The following SMARCA4 variants were observed in gnomAD, a reference collection of about 807,000 sequenced individuals.
SMARCA4 encodes SWI/SNF-related matrix-associated actin-dependent regulator of chromatin subfamily A member 4.
A neutral mutation model predicts 193.9 loss-of-function variants in SMARCA4; 31 were observed. That is an observed-to-expected ratio of 0.16 (90% CI 0.12 to 0.22). The LOEUF is 0.22. Ranked by LOEUF, SMARCA4 falls within the 10% of genes least tolerant of loss-of-function variation. SMARCA4 has a pLI of 1.00. For missense variants in SMARCA4, 1,148 were observed against 2,296.0 expected (o/e 0.50, Z 10.22); for synonymous variants, 942 against 933.1 (o/e 1.01, Z -0.17).
intron 20 of SMARCA4, among the ~76,000 whole-genome samples, chr19:11,023,942 G>A (rs1480527655): frequency 6.6e-6 from 1 of 152,220 alleles, no homozygotes; most frequent in Non-Finnish European, 1.5e-5. Context: ...TTGCCCCCCG[G>A]CCCCCCATCA....
chr19:11,055,437 C>T (rs1216443386), intron 30 of SMARCA4, among the ~76,000 whole-genome samples: 1 of 152,070 alleles, frequency 6.6e-6, no homozygotes, highest in Non-Finnish European at 1.5e-5. Context: ...ATCCACCCAC[C>T]TCAGCCTCCC....
intron 20 of SMARCA4, among the ~76,000 whole-genome samples, chr19:11,023,949 A>T (rs1033077809): frequency 6.6e-6 from 1 of 152,200 alleles, no homozygotes; most frequent in Non-Finnish European, 1.5e-5. Context: ...CCGGCCCCCC[A>T]TCATGGCTCT....
At chr19:11,022,633 C>A (rs2089959924) in intron 19 of SMARCA4, among the ~76,000 whole-genome samples, 1 of 152,202 alleles carries the variant, frequency 6.6e-6, no homozygotes, top group African/African-American at 2.4e-5. Flanking sequence ...ACAGAGGTTA[C>A]CTCGAAGTGC....
intron 13 of SMARCA4, among the ~76,000 whole-genome samples, chr19:11,007,539 GA>G (rs1459237453): frequency 2.0e-5 from 3 of 150,994 alleles, no homozygotes; most frequent in Non-Finnish European, 2.9e-5. Flanking sequence ...AGGAGTTTGA[GA>G]CCAGCCCGGG....
At chr19:10,990,421 G>C (rs1450395871) in intron 7 of SMARCA4, among the ~76,000 whole-genome samples, 1 of 152,102 alleles carries the variant, frequency 6.6e-6, no homozygotes, top group African/African-American at 2.4e-5. Context: ...TGGGATTACA[G>C]GCATGTGCCC....
Position 10,987,901 on chromosome 19 carries a change from G to A in SMARCA4, c.1095G>A (p.Glu365=), listed in dbSNP as rs2145822205. 1 of 1,613,038 alleles carries A rather than the reference G, an allele frequency of 6.2e-7. No individual in the cohort carries two copies. The highest frequency in any genetic ancestry group is 1.1e-5 in the South Asian group (1 of 91,012). Residue 365 remains glutamate, a synonymous_variant, in exon 6 of 35, where the codon GAG becomes GAA. Transcript: ENST00000344626. This position sits in a 1 kb window ranked among gnomAD's most constrained non-coding sequence, Gnocchi z 5.3. ...AGCCGCGGGGCCTCGACCCTGTGGA[G>A]ATCCTGCAGGAGCGCGAGTACAGGT... ...IQKPRGLDPV[E]ILQEREYRLQ...
rs2086151202 is a variant in SMARCA4, at chr19:10,987,402, C to T, written c.860-264C>T. On this transcript the variant is annotated intron_variant, in intron 5 of 34. Transcript: ENST00000344626. This position sits in a 1 kb window ranked among gnomAD's most constrained non-coding sequence, Gnocchi z 5.3. Reference sequence around the variant, plus strand: ...CACTAGGAGGAGATGACAGGAAATGCTGCCATAGAGCCACAGACAGAACAA... The same window carrying T: ...CACTAGGAGGAGATGACAGGAAATGTTGCCATAGAGCCACAGACAGAACAA... Among the ~76,000 whole-genome samples the T allele has an allele frequency of 6.6e-6, 1 of 152,174 alleles. No homozygotes were observed. Among genetic ancestry groups the T allele is most frequent in the Admixed American group, 6.5e-5 (1 of 15,282 alleles).
intron 19 of SMARCA4, among the ~76,000 whole-genome samples, 190 bp downstream of exon 19, chr19:11,022,157 G>A (rs564835362): frequency 6.6e-6 from 1 of 152,344 alleles, no homozygotes; most frequent in African/African-American, 2.4e-5. Flanking sequence ...AGGGGAGCAG[G>A]GCAGAGGTCA....
intron 1 of SMARCA4, among the ~76,000 whole-genome samples, chr19:10,976,961 G>A (rs1362678405): frequency 6.6e-6 from 1 of 151,998 alleles, no homozygotes; most frequent in African/African-American, 2.4e-5. Flanking sequence ...GGAGGCTGAG[G>A]CAGGAGAATC....
Position 10,996,524 on chromosome 19 carries a change from G to T in SMARCA4, c.1792G>T (p.Ala598Ser). 6.2e-7 allele frequency: 1 copy of T among 1,614,274 alleles called. No homozygotes were observed. The highest frequency in any genetic ancestry group is 8.5e-7 in the Non-Finnish European group (1 of 1,180,044). The change falls in exon 11 of 35, where the codon GCC becomes TCC. Residue 598 changes from alanine to serine, a missense_variant. Ala to Ser is a moderately conservative substitution (Grantham distance 99). Transcript: ENST00000344626. ...AGAAAATGCAGAAGGACAGACGCCT[G>T]CCATTGGGCCGGATGGCGAGGTGAG... Reference protein sequence around the residue: ...KAENAEGQTPAIGPDGEPLDE... With the variant: ...KAENAEGQTPSIGPDGEPLDE...
intron 33 of SMARCA4, 47 bp downstream of exon 33, chr19:11,059,932 G>A (rs2147118802): frequency 6.2e-7 from 1 of 1,613,486 alleles, no homozygotes. Flanking sequence ...GCTGGCCCGA[G>A]AGCCCCCAAG....
intron 22 of SMARCA4, among the ~76,000 whole-genome samples, chr19:11,025,964 G>T (rs1291193834): frequency 1.3e-5 from 2 of 152,210 alleles, no homozygotes; most frequent in African/African-American, 2.4e-5. Context: ...TAAAGTGTCA[G>T]GGTCGTTGGA....
chr19:11,006,713 T>G (rs1230400464), intron 13 of SMARCA4, among the ~76,000 whole-genome samples: 3 of 152,158 alleles, frequency 2.0e-5, no homozygotes, highest in Admixed American at 2.0e-4. Context: ...TAATGTTCAT[T>G]GTATAACAGG....
rs760653330 is a variant in SMARCA4, at chr19:11,019,659, G to T, written c.2574G>T (p.Thr858=). The change falls in exon 18 of 35, where the codon ACG becomes ACT. Residue 858 remains threonine (T), a synonymous_variant. Transcript: ENST00000344626. This position sits in a 1 kb window ranked among gnomAD's most constrained non-coding sequence, Gnocchi z 6.1. ...GTGGGAAGTTCAACGTCTTGCTGACGACGTACGAGTACATCATCAAAGACA... is the reference window on the plus strand; with the variant it reads ...GTGGGAAGTTCAACGTCTTGCTGACTACGTACGAGTACATCATCAAAGACA... The part of the protein sequence containing the change: ...LRSGKFNVLL[T]TYEYIIKDKH... The T allele has an allele frequency of 4.3e-6, 7 of 1,613,752 alleles. No homozygotes were observed. The highest frequency in any genetic ancestry group is 5.9e-6 in the Non-Finnish European group (7 of 1,179,866).
intron 30 of SMARCA4, among the ~76,000 whole-genome samples, chr19:11,057,150 G>T (rs1408136022): frequency 6.6e-6 from 1 of 152,224 alleles, no homozygotes; most frequent in Non-Finnish European, 1.5e-5. Context: ...CCGTTCCCTG[G>T]CTAGGCCCTT....
chr19:10,962,674 C>G (rs936024407), intron 1 of SMARCA4, among the ~76,000 whole-genome samples: 2 of 152,100 alleles, frequency 1.3e-5, no homozygotes, highest in Non-Finnish European at 2.9e-5. Context: ...TCCTGAGTAG[C>G]TGGGACTACA....
chr19:10,989,512 A>G, intron 7 of SMARCA4, 69 bp downstream of exon 7: 1 of 1,583,044 alleles, frequency 6.3e-7, no homozygotes, highest in South Asian at 1.1e-5. Flanking sequence ...TAAGGCTCCA[A>G]ATACGGCTTG....
At chr19:11,024,644 C>T (rs767750309) in intron 21 of SMARCA4, among the ~76,000 whole-genome samples, 6 of 152,164 alleles carry the variant, frequency 3.9e-5, no homozygotes, top group Non-Finnish European at 8.8e-5. Flanking sequence ...GCCTATGAAA[C>T]ACTGGCTCCT....
chr19:10,991,062 T>C (rs2145874326), intron 7 of SMARCA4, 88 bp from the exon 8 acceptor site: 1 of 1,580,708 alleles, frequency 6.3e-7, no homozygotes, highest in East Asian at 2.3e-5. Flanking sequence ...CCTTTAGCGG[T>C]GAAGCATGTG....
Sources: gnomAD v4.1 joint callset for allele counts (sites outside exome capture counted in the v4.1 genomes callset) on GRCh38, gnomAD v4.1.1 for gene constraint, Gnocchi (gnomAD v3.1) non-coding constraint, MANE v1.5 for transcripts, NCBI Gene and HGNC (gene_info 2026-07-23, HGNC 2026-07-21) for gene names.